Variants in PTPRQ observed in about 807,000 individuals in gnomAD.
The protein encoded by PTPRQ is protein tyrosine phosphatase receptor type Q.
PTPRQ carries 199 observed loss-of-function variants against 246.0 expected under a neutral mutation model. The ratio of observed to expected loss-of-function variants is 0.81; its 90% CI spans 0.72 to 0.91. The LOEUF (loss-of-function observed/expected upper bound fraction) is 0.91. Ranked by LOEUF, PTPRQ falls within the 40% of genes least tolerant of loss-of-function variation. PTPRQ has a pLI of 0.00. For synonymous variants in PTPRQ, 869 were observed against 853.2 expected (o/e 1.02, Z -0.32); for missense variants, 2,624 against 2,528.4 (o/e 1.04, Z -0.81).
intron 12 of PTPRQ, 55 bp downstream of exon 12, chr12:80,495,426 G>T (rs1305363969): frequency 6.8e-7 from 1 of 1,463,094 alleles, no homozygotes. Flanking sequence ...TTTCTATTCT[G>T]GTGGAAAATA....
chr12:80,594,727 A>T (rs543230868), intron 26 of PTPRQ, among the ~76,000 whole-genome samples: 5 of 152,264 alleles, frequency 3.3e-5, no homozygotes, highest in Admixed American at 2.0e-4. Flanking sequence ...CCCACGAGGC[A>T]AAACCTGAGT....
At chr12:80,457,260 A>C (rs1893009328) in intron 3 of PTPRQ, among the ~76,000 whole-genome samples, 1 of 152,034 alleles carries the variant, frequency 6.6e-6, no homozygotes, top group African/African-American at 2.4e-5. Flanking sequence ...TATGTAGTGG[A>C]TATATCAGAG....
intron 10 of PTPRQ, 99 bp from the exon 11 acceptor site, chr12:80,494,834 G>A: frequency 7.9e-7 from 1 of 1,269,228 alleles, no homozygotes; most frequent in Non-Finnish European, 1.1e-6. Flanking sequence ...AATGAATACG[G>A]AGAAATCAGG....
chr12:80,601,677 C>G (rs1668185258), intron 26 of PTPRQ, among the ~76,000 whole-genome samples: 1 of 151,656 alleles, frequency 6.6e-6, no homozygotes, highest in Admixed American at 6.6e-5. Flanking sequence ...ATAAGGGAGC[C>G]TTAATACATT....
intron 6 of PTPRQ, chr12:80,465,336 C>G (rs932477491): frequency 5.9e-5 from 9 of 152,276 alleles, no homozygotes; most frequent in Non-Finnish European, 1.2e-4. Context: ...AGACCACTAA[C>G]AGGCTCTGAA....
chr12:80,510,311 C>G lies in PTPRQ; in HGVS notation c.2558-12C>G. ...TTAATAAAACACATTATTCTATACC[C>G]TAACTTTACAGCTCCTGATTCTCCC... On this transcript the variant is annotated splice_polypyrimidine_tract_variant and intron_variant, in intron 16 of 44. Transcript: ENST00000644991. 1 of 1,536,188 alleles carries G rather than the reference C, an allele frequency of 6.5e-7. No homozygotes were observed. The highest frequency in any genetic ancestry group is 1.4e-5 in the African/African-American group (1 of 72,288).
intron 17 of PTPRQ, among the ~76,000 whole-genome samples, chr12:80,528,973 C>T (rs1434193973): frequency 1.3e-5 from 2 of 152,108 alleles, no homozygotes; most frequent in African/African-American, 4.8e-5. Context: ...AGCCAGTCAA[C>T]CAAATGATGA....
At position 80,649,590 on chromosome 12, in the gene PTPRQ, C is replaced by G; in HGVS notation, c.5945C>G (p.Pro1982Arg). 6.5e-7 allele frequency: 1 copy of G among 1,549,112 alleles called. No individual in the cohort carries two copies. Among genetic ancestry groups the G allele is most frequent in the Non-Finnish European group, 8.7e-7 (1 of 1,145,452 alleles). ...TTTATACCTTTCTTTACTTGGAGGC[C>G]AATAAGCAAGAAATCCTTCCTGCAA... The part of the protein sequence containing the change: ...RLLSYRKSIK[P>R]ISKKSFLQHV... The change falls in exon 37 of 45, where the codon CCA (proline) becomes CGA (arginine). Residue 1982 changes from proline (P) to arginine (R), a missense_variant and splice_region_variant. Physicochemically the swap from Pro to Arg is moderately radical, Grantham distance 103 (BLOSUM62 -2). Coordinates refer to ENST00000644991, the MANE Select transcript of PTPRQ (RefSeq NM_001145026.2).
chr12:80,610,740 T>C lies in PTPRQ; in HGVS notation c.4918+115T>C, dbSNP rs1468652964. The C allele has an allele frequency of 1.1e-5, 15 of 1,306,942 alleles. No individual in the cohort carries two copies. In the East Asian group the frequency reaches 4.0e-4, roughly 35 times the overall value. 81.0% of individuals were successfully genotyped at this position (1,306,942 alleles called of 1,614,324 possible). A position where few individuals can be genotyped will look rare whatever the true frequency, so the allele number is the denominator to read the frequency against. On this transcript the variant is annotated intron_variant, in intron 28 of 44. Transcript: ENST00000644991. ...TGTTATGAGAAGTTTTTAAAGCATATAAACAAAAAAATTAGTGACTCTCTG... is the reference window on the plus strand; with the variant it reads ...TGTTATGAGAAGTTTTTAAAGCATACAAACAAAAAAATTAGTGACTCTCTG...
At chr12:80,649,031 A>T in intron 36 of PTPRQ, 108 bp downstream of exon 36, 2 of 1,051,062 alleles carry the variant, frequency 1.9e-6, no homozygotes, top group Admixed American at 3.8e-5. Flanking sequence ...TGTTGGAAAA[A>T]CCTCCAAGCT....
In PTPRQ at chr12:80,539,686, G is replaced by A. The variant is rs2222752; in HGVS notation, c.2986-90G>A. ...CAACATATTAAAATAATGATAAATA[G>A]TAAAATCGATCCATTGATAACAATT... On this transcript the variant is annotated intron_variant, in intron 19 of 44. Transcript: ENST00000644991. 1,027,893 of 1,061,684 alleles carry A rather than the reference G, an allele frequency of 0.97. 499,316 individuals are homozygous for A. Among genetic ancestry groups the A allele is most frequent in the Non-Finnish European group, 0.99 (774,721 of 784,042 alleles). The allele number at this position is 1,061,684 out of a possible 1,614,324, so 65.8% of individuals were successfully genotyped here.
At chr12:80,638,722 C>T (rs1373537394) in intron 35 of PTPRQ, among the ~76,000 whole-genome samples, 2 of 152,054 alleles carry the variant, frequency 1.3e-5, no homozygotes, top group African/African-American at 2.4e-5. Context: ...TATTTCTTCC[C>T]AAATGAGAGC....
intron 25 of PTPRQ, among the ~76,000 whole-genome samples, chr12:80,571,765 G>A (rs1394725295): frequency 6.6e-6 from 1 of 151,858 alleles, no homozygotes; most frequent in South Asian, 2.1e-4. Flanking sequence ...CTATTTTAAA[G>A]ATACTTTTAT....
chr12:80,456,085 C>T (rs1432815681), intron 3 of PTPRQ, among the ~76,000 whole-genome samples: 1 of 152,096 alleles, frequency 6.6e-6, no homozygotes, highest in African/African-American at 2.4e-5. Flanking sequence ...AATATAACAT[C>T]AATATCTTCT....
chr12:80,502,455 T>C (rs1350028279), intron 14 of PTPRQ, among the ~76,000 whole-genome samples: 1 of 151,984 alleles, frequency 6.6e-6, no homozygotes, highest in Non-Finnish European at 1.5e-5. Flanking sequence ...TAAGTGGAAC[T>C]AGTCAGCATA....
At chr12:80,636,907 A>G (rs908400811) in intron 35 of PTPRQ, among the ~76,000 whole-genome samples, 1 of 152,144 alleles carries the variant, frequency 6.6e-6, no homozygotes, top group Admixed American at 6.5e-5. Context: ...CCTAAGCACT[A>G]TATATTTTCA....
intron 14 of PTPRQ, among the ~76,000 whole-genome samples, chr12:80,503,726 G>A (rs552845461): frequency 6.6e-6 from 1 of 151,586 alleles, no homozygotes; most frequent in Non-Finnish European, 1.5e-5. Context: ...CATTATCTTG[G>A]CCACTCTGAT....
intron 25 of PTPRQ, among the ~76,000 whole-genome samples, chr12:80,567,154 G>T (rs952754744): frequency 2.6e-5 from 4 of 152,094 alleles, no homozygotes; most frequent in Non-Finnish European, 5.9e-5. Context: ...CATTGCTAAG[G>T]CTTCCTTTCT....
intron 25 of PTPRQ, among the ~76,000 whole-genome samples, chr12:80,575,839 CAA>C (rs201432092): frequency 4.9e-4 from 23 of 47,122 alleles, no homozygotes; most frequent in African/African-American, 7.0e-4. Context: ...AACCCCATCT[CAA>C]AAAAAAAAAA....
Sources: allele counts gnomAD v4.1 joint callset (sites outside exome capture counted in the v4.1 genomes callset), GRCh38; gene constraint gnomAD v4.1.1; transcripts MANE v1.5; gene names NCBI Gene and HGNC (gene_info 2026-07-23, HGNC 2026-07-21).